Variants in CDCP1 observed in about 807,000 individuals in gnomAD.
The protein encoded by CDCP1 is CUB domain containing protein 1.
CDCP1 carries 29 observed loss-of-function variants against 60.2 expected under a neutral mutation model. That is an observed-to-expected ratio of 0.48 (90% CI 0.36 to 0.66). CDCP1 has a LOEUF of 0.66. Among genes scored for constraint, CDCP1 ranks in the 30% least tolerant of loss-of-function variants. The pLI, the probability that CDCP1 is intolerant of heterozygous loss-of-function variation, is 0.00. For synonymous variants in CDCP1, 387 were observed against 431.1 expected, an observed-to-expected ratio of 0.90 and a Z score of 1.27; for missense variants, 876 against 1,074.3, an observed-to-expected ratio of 0.82 and a Z score of 2.58.
chr3:45,089,192 C>T, intron 7 of CDCP1, 51 bp from the exon 8 acceptor site: 4 of 1,449,716 alleles, frequency 2.8e-6, no homozygotes, highest in Non-Finnish European at 3.9e-6. Flanking sequence ...GGGGTGAGCT[C>T]TGCAATGAAC....
At chr3:45,095,260 A>C in intron 5 of CDCP1, 87 bp downstream of exon 5, 1 of 1,233,966 alleles carries the variant, frequency 8.1e-7, no homozygotes, top group African/African-American at 1.5e-5. Flanking sequence ...TATGATTTAC[A>C]ACCTACCCAG....
chr3:45,110,863 C>A (rs1698679725), intron 3 of CDCP1, 22 bp from the exon 4 acceptor site: 2 of 1,594,646 alleles, frequency 1.3e-6, no homozygotes, highest in African/African-American at 2.7e-5. Flanking sequence ...GGAACCCAAA[C>A]CAGAAAGAAT....
At position 45,105,643 on chromosome 3, in the gene CDCP1, T is replaced by G. The variant is rs59681103; in HGVS notation, c.1024+4830A>C. Among the ~76,000 whole-genome samples the G allele has an allele frequency of 8.5e-3, 1,290 of 152,300 alleles. 18 individuals carry two copies. Among genetic ancestry groups the G allele is most frequent in the African/African-American group, 0.029 (1,223 of 41,548 alleles). On this transcript the variant is annotated intron_variant, in intron 4 of 8. Coordinates refer to ENST00000296129, the MANE Select transcript of CDCP1 (RefSeq NM_022842.5). ...TGCATAAAGCAGTAGGCTAGTAGGC[T>G]AGAAGGCTCTCCCTAAAGCCTTATA...
In CDCP1 at chr3:45,091,469, C is replaced by G; in HGVS notation, c.1697G>C (p.Arg566Pro). ...KVYLRTPNWD[R>P]GLPSLTSVSW... is the part of the protein sequence containing the mutation. ...CACAGAGGTGAGGGATGGCAGGCCC[C>G]GGTCCCAGTTGGGGGTCCTCAGGTA... The change falls in exon 7 of 9, where the codon CGG becomes CCG. Residue 566 changes from arginine (R) to proline (P), a missense_variant. Physicochemically the swap from Arg to Pro is moderately radical, Grantham distance 103. Transcript: ENST00000296129. This position sits in a 1 kb window ranked among gnomAD's most constrained non-coding sequence, Gnocchi z 4.8. 1 of 1,610,384 alleles carries G rather than the reference C, an allele frequency of 6.2e-7. No individual in the cohort carries two copies. Among genetic ancestry groups the G allele is most frequent in the Non-Finnish European group, 8.5e-7 (1 of 1,178,198 alleles).
intron 4 of CDCP1, 95 bp downstream of exon 4, chr3:45,110,378 A>G (rs1487507070): frequency 6.6e-7 from 1 of 1,512,084 alleles, no homozygotes; most frequent in Admixed American, 2.2e-5. Flanking sequence ...GAAGCCACAG[A>G]TGAGAAACAG....
At chr3:45,099,341 A>G (rs1199426150) in intron 4 of CDCP1, among the ~76,000 whole-genome samples, 1 of 152,018 alleles carries the variant, frequency 6.6e-6, no homozygotes, top group Non-Finnish European at 1.5e-5. Flanking sequence ...TTGTTTTATA[A>G]TACCCAGTGT....
At chr3:45,136,936 T>C (rs1311284265) in intron 1 of CDCP1, among the ~76,000 whole-genome samples, 1 of 152,230 alleles carries the variant, frequency 6.6e-6, no homozygotes, top group African/African-American at 2.4e-5. Context: ...GGAAATGTTA[T>C]ACCATGCATT....
intron 2 of CDCP1, among the ~76,000 whole-genome samples, chr3:45,116,671 A>T (rs978993170): frequency 2.6e-5 from 4 of 152,216 alleles, no homozygotes; most frequent in Non-Finnish European, 5.9e-5. Context: ...GAATGGTTTG[A>T]ATGTCATAGA....
rs13325398 is a variant in CDCP1 at position 45,119,578 on chromosome 3, C to T, written c.83-957G>A. Among the ~76,000 whole-genome samples, 5 of 152,164 alleles carry T rather than the reference C, an allele frequency of 3.3e-5. No individual in the cohort carries two copies. The South Asian group carries it at 8.3e-4, about 25-fold the overall frequency. ...CCATGTTCTGGTACAAACAGCTGGT[C>T]GGGATCTGTTATCGTGCTGGCACAC... On this transcript the variant is annotated intron_variant, in intron 1 of 8. Transcript: ENST00000296129.
intron 1 of CDCP1, among the ~76,000 whole-genome samples, chr3:45,130,898 G>T (rs1018006138): frequency 6.6e-6 from 1 of 151,852 alleles, no homozygotes; most frequent in Non-Finnish European, 1.5e-5. Context: ...ACAGGGTCTC[G>T]TTTTGTTGCT....
intron 1 of CDCP1, among the ~76,000 whole-genome samples, chr3:45,132,669 C>T: frequency 6.6e-6 from 1 of 152,222 alleles, no homozygotes; most frequent in Non-Finnish European, 1.5e-5. Context: ...AGTTTCTCAT[C>T]TGCAGCATTT....
chr3:45,125,954 T>G (rs1377500244), intron 1 of CDCP1, among the ~76,000 whole-genome samples: 1 of 152,170 alleles, frequency 6.6e-6, no homozygotes, highest in African/African-American at 2.4e-5. Context: ...TTTGCTGAAC[T>G]CAGGAGGCAG....
intron 2 of CDCP1, among the ~76,000 whole-genome samples, chr3:45,115,874 T>C (rs1445882461): frequency 1.3e-5 from 2 of 150,772 alleles, no homozygotes; most frequent in Non-Finnish European, 2.9e-5. Flanking sequence ...TGGCTAATTG[T>C]TTGTAAAAAT....
At chr3:45,087,786 G>A (rs1289251538) in intron 8 of CDCP1, among the ~76,000 whole-genome samples, 4 of 152,176 alleles carry the variant, frequency 2.6e-5, no homozygotes, top group Admixed American at 2.0e-4. Flanking sequence ...TTGGGAGGCC[G>A]AGGCGGGTGG....
At chr3:45,132,589 T>TC (rs1290547218) in intron 1 of CDCP1, among the ~76,000 whole-genome samples, 1 of 23,162 alleles carries the variant, frequency 4.3e-5, no homozygotes, top group South Asian at 6.3e-3. Context: ...TAATACTCCC[T>TC]GCTTCTGTGC....
chr3:45,107,373 A>G (rs923053167), intron 4 of CDCP1, among the ~76,000 whole-genome samples: 1 of 151,584 alleles, frequency 6.6e-6, no homozygotes, highest in Admixed American at 6.6e-5. Context: ...CGCCCGGCTA[A>G]TTTTTTGTAT....
chr3:45,116,837 T>A (rs1698799653), intron 2 of CDCP1, among the ~76,000 whole-genome samples: 1 of 152,228 alleles, frequency 6.6e-6, no homozygotes, highest in Admixed American at 6.5e-5. Context: ...ATCCAGCCCA[T>A]TAAATTTTCT....
chr3:45,117,561 TATGG>T (rs1178699436), intron 2 of CDCP1, among the ~76,000 whole-genome samples: 2 of 152,060 alleles, frequency 1.3e-5, no homozygotes. Context: ...CACTGTGTCT[TATGG>T]ATCAATTGCT....
intron 8 of CDCP1, among the ~76,000 whole-genome samples, chr3:45,086,485 C>G (rs1305676357): frequency 6.6e-6 from 1 of 152,224 alleles, no homozygotes; most frequent in Non-Finnish European, 1.5e-5. Flanking sequence ...CTCCCGCACT[C>G]TTAGTACTTT....
Sources: allele counts gnomAD v4.1 joint callset (sites outside exome capture counted in the v4.1 genomes callset), GRCh38; gene constraint gnomAD v4.1.1; non-coding constraint Gnocchi (gnomAD v3.1); transcripts MANE v1.5; gene names NCBI Gene and HGNC (gene_info 2026-07-23, HGNC 2026-07-21).